Variants in ARSG observed in about 807,000 individuals in gnomAD.
The protein encoded by ARSG is ASG.
Under a neutral mutation model 50.5 loss-of-function variants are expected in ARSG, and 37 were observed. The ratio of observed to expected loss-of-function variants is 0.73; its 90% CI spans 0.56 to 0.96. The LOEUF is 0.96. Ranked by LOEUF, ARSG falls within the 50% of genes least tolerant of loss-of-function variation. The pLI is 0.00. For synonymous variants in ARSG, 225 were observed against 254.6 expected (o/e 0.88, Z 1.11); for missense variants, 629 against 675.3 (o/e 0.93, Z 0.76).
intron 1 of ARSG, among the ~76,000 whole-genome samples, chr17:68,277,532 C>T (rs1484913341): frequency 6.6e-6 from 1 of 152,136 alleles, no homozygotes; most frequent in East Asian, 1.9e-4. Context: ...TGGGTTCAAG[C>T]AATTCTCGTG....
chr17:68,395,797 G>A (rs2081216579), intron 10 of ARSG, among the ~76,000 whole-genome samples: 1 of 152,134 alleles, frequency 6.6e-6, no homozygotes, highest in South Asian at 2.1e-4. Context: ...GAAGCTTCTT[G>A]AGGGCAAGAA....
intron 5 of ARSG, among the ~76,000 whole-genome samples, chr17:68,354,166 A>C (rs1460816635): frequency 6.6e-6 from 1 of 151,534 alleles, no homozygotes; most frequent in African/African-American, 2.4e-5. Flanking sequence ...CACTCCTGTA[A>C]TCCCAGCACT....
rs763355605 is a variant in ARSG, at chr17:68,351,588, C to T, written c.468C>T (p.Tyr156=). The T allele has an allele frequency of 1.9e-6, 3 of 1,611,398 alleles. No homozygotes were observed. Among genetic ancestry groups the T allele is most frequent in the Middle Eastern group, 1.7e-4 (1 of 6,056 alleles). Residue 156 remains tyrosine (Y), a synonymous_variant, in exon 5 of 12, where the codon TAC becomes TAT. Coordinates refer to ENST00000621439, the MANE Select transcript of ARSG (RefSeq NM_001267727.2). ...CTTCTATTCCAGGTTTTGATTACTA[C>T]TTTGGAATCCCATATAGCCATGATA... is the stretch of plus-strand genomic sequence containing the variant. ...YHPNFRGFDY[Y]FGIPYSHDMG...
At chr17:68,446,717 C>G in the ARSG span, among the ~76,000 whole-genome samples, 1 of 152,188 alleles carries the variant, frequency 6.6e-6, no homozygotes, top group Non-Finnish European at 1.5e-5. Context: ...CCTCCCAGCC[C>G]CACACCCAAT....
the ARSG span, among the ~76,000 whole-genome samples, chr17:68,439,068 C>T: frequency 2.0e-5 from 3 of 152,274 alleles, no homozygotes; most frequent in Non-Finnish European, 4.4e-5. Context: ...TGCTCTGGAA[C>T]GTTTAGCAGT....
At chr17:68,365,135 C>T (rs1366463594) in intron 6 of ARSG, among the ~76,000 whole-genome samples, 1 of 152,256 alleles carries the variant, frequency 6.6e-6, no homozygotes, top group East Asian at 1.9e-4. Flanking sequence ...CATGGCAAAA[C>T]CTCATCTCTA....
chr17:68,421,793 C>T (rs574075478), downstream of ARSG: 1 of 1,614,142 alleles, frequency 6.2e-7, no homozygotes, highest in South Asian at 1.1e-5. Flanking sequence ...TTCGTTTTGC[C>T]CTTCTGATTT....
intron 2 of ARSG, among the ~76,000 whole-genome samples, chr17:68,329,118 G>A (rs1272249701): frequency 3.9e-5 from 6 of 152,234 alleles, no homozygotes; most frequent in African/African-American, 1.4e-4. Flanking sequence ...TCCCCAGGAG[G>A]TGAAATGAGA....
At chr17:68,332,370 G>A (rs1202109071) in intron 2 of ARSG, among the ~76,000 whole-genome samples, 1 of 152,078 alleles carries the variant, frequency 6.6e-6, no homozygotes, top group African/African-American at 2.4e-5. Flanking sequence ...TTTTCAAGAT[G>A]CCCAGATTTC....
intron 1 of ARSG, among the ~76,000 whole-genome samples, chr17:68,304,615 ATCT>A (rs2076538332): frequency 6.6e-6 from 1 of 152,202 alleles, no homozygotes; most frequent in Non-Finnish European, 1.5e-5. Flanking sequence ...TCCCAGGCCT[ATCT>A]TTTTTACACA....
In ARSG at chr17:68,395,212, T is replaced by C. The variant is rs1272287782; in HGVS notation, c.1212+19T>C. On this transcript the variant is annotated intron_variant, in intron 10 of 11. Coordinates refer to ENST00000621439, the MANE Select transcript of ARSG (RefSeq NM_001267727.2). Reference sequence around the variant, plus strand: ...GCACAGGGTAAGTGGAGGAGGTACTTGCCCACATGTAGGCTCTTTAGGAGG... The same window carrying C: ...GCACAGGGTAAGTGGAGGAGGTACTCGCCCACATGTAGGCTCTTTAGGAGG... 6.2e-7 allele frequency: 1 copy of C among 1,613,206 alleles called. No homozygotes were observed. Among genetic ancestry groups the C allele is most frequent in the Non-Finnish European group, 8.5e-7 (1 of 1,179,600 alleles).
intron 1 of ARSG, among the ~76,000 whole-genome samples, chr17:68,297,820 G>A (rs1175289086): frequency 6.6e-6 from 1 of 152,054 alleles, no homozygotes; most frequent in East Asian, 1.9e-4. Context: ...CACATTTTTA[G>A]TGTGTTCTCA....
chr17:68,263,309 C>T (rs139149049), intron 1 of ARSG, among the ~76,000 whole-genome samples: 2,313 of 152,284 alleles, frequency 0.015, 20 homozygotes, highest in Non-Finnish European at 0.021. Context: ...CAGCTGTACG[C>T]TACGATCGCC....
downstream of ARSG, chr17:68,421,902 A>T (rs989572008): frequency 7.6e-6 from 12 of 1,572,850 alleles, 1 homozygote; most frequent in Admixed American, 1.7e-4. Flanking sequence ...GTCTGTGCCC[A>T]TGCAGAGTGA....
intron 2 of ARSG, among the ~76,000 whole-genome samples, chr17:68,329,824 CA>C (rs549044794): frequency 6.6e-6 from 1 of 152,026 alleles, no homozygotes; most frequent in Non-Finnish European, 1.5e-5. Context: ...AAAAAAATCA[CA>C]AAAAAATCAA....
chr17:68,347,057 A>C lies in ARSG; in HGVS notation c.407-68A>C. The C allele has an allele frequency of 7.5e-6, 12 of 1,591,388 alleles. No individual in the cohort carries two copies. In the South Asian group the frequency reaches 1.3e-4, roughly 18 times the overall value. ...CTAATGGAGAGCTGAGTGTGTGATC[A>C]GCTCCTCAGGGGGCTGTGGTACCCC... On this transcript the variant is annotated intron_variant, in intron 3 of 11. Coordinates refer to ENST00000621439, the MANE Select transcript of ARSG (RefSeq NM_001267727.2).
At chr17:68,366,874 C>A (rs1395340252) in intron 6 of ARSG, among the ~76,000 whole-genome samples, 1 of 152,172 alleles carries the variant, frequency 6.6e-6, no homozygotes, top group Non-Finnish European at 1.5e-5. Context: ...AAACTGTACC[C>A]ATGAAACATA....
intron 1 of ARSG, among the ~76,000 whole-genome samples, chr17:68,263,048 A>G (rs1376624294): frequency 2.6e-5 from 4 of 152,224 alleles, no homozygotes; most frequent in Admixed American, 1.3e-4. Context: ...AATGACACAA[A>G]TACATGGCCA....
rs1361621501 is a variant in ARSG at position 68,385,065 on chromosome 17, G to C, written c.984G>C (p.Gly328=). The part of the protein sequence containing the change: ...PFTGFWQTRQ[G]GSPAKQTTWE... ...CAGCTGCCTCCCCTCCTCTCACAGG[G>C]GGAAGTCCAGCCAAGCAGACGACCT... Residue 328 remains glycine (G), a splice_region_variant and synonymous_variant, in exon 9 of 12, where the codon GGG becomes GGC. Transcript: ENST00000621439. 1 of 1,613,770 alleles carries C rather than the reference G, an allele frequency of 6.2e-7. No individual in the cohort carries two copies. The highest frequency in any genetic ancestry group is 1.3e-5 in the African/African-American group (1 of 74,910).
Sources: allele counts gnomAD v4.1 joint callset (sites outside exome capture counted in the v4.1 genomes callset), GRCh38; gene constraint gnomAD v4.1.1; transcripts MANE v1.5; gene names NCBI Gene and HGNC (gene_info 2026-07-23, HGNC 2026-07-21).